Variants in ARHGAP24 observed in about 807,000 individuals in gnomAD.
The protein encoded by ARHGAP24 is rho GTPase-activating protein 24.
In ARHGAP24, 50 loss-of-function variants were observed where a neutral mutation model predicts 76.4. That is an observed-to-expected ratio of 0.65 (90% CI 0.52 to 0.83). The LOEUF is 0.83. Among genes scored for constraint, ARHGAP24 ranks in the 40% least tolerant of loss-of-function variants. The pLI, the probability that ARHGAP24 is intolerant of heterozygous loss-of-function variation, is 0.00. For synonymous variants in ARHGAP24, 345 were observed against 323.3 expected, an observed-to-expected ratio of 1.07 and a Z score of -0.72; for missense variants, 930 against 914.2, an observed-to-expected ratio of 1.02 and a Z score of -0.22.
intron 3 of ARHGAP24, among the ~76,000 whole-genome samples, chr4:85,850,042 C>T (rs1578296340): frequency 6.6e-6 from 1 of 152,206 alleles, no homozygotes; most frequent in South Asian, 2.1e-4. Context: ...TCTCTTTGTA[C>T]CTCTGGTAGA....
At chr4:85,556,641 G>C (rs1235546094) in intron 1 of ARHGAP24, among the ~76,000 whole-genome samples, 2 of 152,176 alleles carry the variant, frequency 1.3e-5, no homozygotes, top group South Asian at 4.1e-4. Context: ...AATCATATTG[G>C]GGGCCCAGGT....
At chr4:85,642,652 A>C (rs1379454349) in intron 2 of ARHGAP24, among the ~76,000 whole-genome samples, 2 of 152,052 alleles carry the variant, frequency 1.3e-5, no homozygotes, top group Non-Finnish European at 2.9e-5. Flanking sequence ...CCAAAACTTT[A>C]ACATTTCTTA....
At chr4:85,724,489 GTGTATATATATATATATATATATA>G (rs1201901140) in intron 3 of ARHGAP24, among the ~76,000 whole-genome samples, 3 of 131,448 alleles carry the variant, frequency 2.3e-5, no homozygotes, top group Non-Finnish European at 3.1e-5. Context: ...TTTTCCATGT[GTGTATATATATATATATATATATA>G]TATATATATA....
chr4:85,500,164 T>C (rs1205791188), intron 1 of ARHGAP24, among the ~76,000 whole-genome samples: 2 of 152,208 alleles, frequency 1.3e-5, no homozygotes, highest in East Asian at 3.8e-4. Flanking sequence ...TTAAAATAGG[T>C]TATTAAGATT....
intron 5 of ARHGAP24, among the ~76,000 whole-genome samples, chr4:85,969,183 T>C (rs144272270): frequency 6.6e-6 from 1 of 152,224 alleles, no homozygotes; most frequent in Non-Finnish European, 1.5e-5. Flanking sequence ...CGCCATCTAG[T>C]GTTCAAAGTT....
chr4:85,588,619 T>C (rs903331445), intron 2 of ARHGAP24, among the ~76,000 whole-genome samples: 7 of 152,216 alleles, frequency 4.6e-5, no homozygotes, highest in Middle Eastern at 3.2e-3. Flanking sequence ...TAAATTCATT[T>C]TGGACGTGGG....
intron 3 of ARHGAP24, among the ~76,000 whole-genome samples, chr4:85,876,264 C>T (rs1732932860): frequency 6.6e-6 from 1 of 152,130 alleles, no homozygotes; most frequent in Non-Finnish European, 1.5e-5. Flanking sequence ...TACTTCTTGT[C>T]AGACCTGATT....
intron 3 of ARHGAP24, among the ~76,000 whole-genome samples, chr4:85,735,512 G>A (rs1478286534): frequency 6.6e-6 from 1 of 152,022 alleles, no homozygotes; most frequent in Non-Finnish European, 1.5e-5. Flanking sequence ...TGACCCAGTT[G>A]ATTACTCCTT....
At chr4:85,641,113 T>C (rs966346471) in intron 2 of ARHGAP24, among the ~76,000 whole-genome samples, 2 of 152,134 alleles carry the variant, frequency 1.3e-5, no homozygotes, top group African/African-American at 2.4e-5. Flanking sequence ...TTTCTTTTAA[T>C]AGAGACAGCA....
At chr4:85,735,804 T>C (rs1725584535) in intron 3 of ARHGAP24, among the ~76,000 whole-genome samples, 1 of 152,104 alleles carries the variant, frequency 6.6e-6, no homozygotes, top group Admixed American at 6.5e-5. Flanking sequence ...TTTAGAGCAG[T>C]TTTAGGTTTA....
chr4:85,696,067 T>C (rs1723852924), intron 2 of ARHGAP24, among the ~76,000 whole-genome samples: 1 of 152,278 alleles, frequency 6.6e-6, no homozygotes, highest in South Asian at 2.1e-4. Context: ...ATTATTTTAA[T>C]CTCTCAGAAT....
At chr4:85,747,602 C>G (rs376540507) in intron 3 of ARHGAP24, among the ~76,000 whole-genome samples, 2,522 of 152,156 alleles carry the variant, frequency 0.017, 63 homozygotes, top group African/African-American at 0.057. Context: ...ACTCGGGAGG[C>G]TGAGGCAGGA....
At chr4:85,865,938 G>A (rs1228584602) in intron 3 of ARHGAP24, among the ~76,000 whole-genome samples, 1 of 151,922 alleles carries the variant, frequency 6.6e-6, no homozygotes, top group Non-Finnish European at 1.5e-5. Context: ...ACCAAACAAA[G>A]GACAGTTAAA....
rs567484006 is a variant in ARHGAP24, at chr4:85,496,050, G to A, written c.-21+20491G>A. 6.8e-4 allele frequency among the ~76,000 whole-genome samples: 104 copies of A among 152,252 alleles called. 1 individual carries two copies. The highest frequency in any genetic ancestry group is 2.4e-3 in the African/African-American group (99 of 41,536). On this transcript the variant is annotated intron_variant, in intron 1 of 9. Coordinates refer to ENST00000395184, the MANE Select transcript of ARHGAP24 (RefSeq NM_001025616.3). ...CATCTTTTATCATAAATAGAATAGC[G>A]AACTCTTTCTTTCAGTGAAGCACTC... is the stretch of plus-strand genomic sequence containing the variant.
At chr4:85,721,315 A>G (rs1724924774) in intron 2 of ARHGAP24, among the ~76,000 whole-genome samples, 1 of 151,984 alleles carries the variant, frequency 6.6e-6, no homozygotes, top group Non-Finnish European at 1.5e-5. Flanking sequence ...GGAATTCTTG[A>G]ACCCGGAAGG....
At chr4:85,869,260 C>T (rs1299626204) in intron 3 of ARHGAP24, among the ~76,000 whole-genome samples, 3 of 152,110 alleles carry the variant, frequency 2.0e-5, no homozygotes, top group Non-Finnish European at 4.4e-5. Context: ...CCTAGTCTTT[C>T]CCCCTTGAAC....
intron 3 of ARHGAP24, among the ~76,000 whole-genome samples, chr4:85,812,302 CT>C (rs1424004565): frequency 6.6e-6 from 1 of 152,164 alleles, no homozygotes; most frequent in African/African-American, 2.4e-5. Flanking sequence ...AGCATGATTA[CT>C]TGATAATAAC....
intron 3 of ARHGAP24, among the ~76,000 whole-genome samples, chr4:85,905,828 G>A (rs910605120): frequency 6.6e-6 from 1 of 152,180 alleles, no homozygotes; most frequent in Admixed American, 6.5e-5. Context: ...TATATGCTTG[G>A]TTTCAAGTAT....
chr4:85,858,391 A>G (rs2110172782), intron 3 of ARHGAP24, among the ~76,000 whole-genome samples: 1 of 152,172 alleles, frequency 6.6e-6, no homozygotes, highest in Admixed American at 6.5e-5. Flanking sequence ...CCATCATTTC[A>G]TTTTTGGAAT....
Sources: gnomAD v4.1 joint callset for allele counts (sites outside exome capture counted in the v4.1 genomes callset) on GRCh38, gnomAD v4.1.1 for gene constraint, MANE v1.5 for transcripts, NCBI Gene and HGNC (gene_info 2026-07-23, HGNC 2026-07-21) for gene names.